The following CADM2 variants were observed in gnomAD, a reference collection of about 807,000 sequenced individuals.
The protein encoded by CADM2 is immunoglobulin superfamily member 4D.
Under a neutral mutation model 49.8 loss-of-function variants are expected in CADM2, and 12 were observed. The ratio of observed to expected loss-of-function variants is 0.24; its 90% CI spans 0.15 to 0.39. The LOEUF (loss-of-function observed/expected upper bound fraction) is 0.39, where lower values mean the gene tolerates loss of function less well. Among genes scored for constraint, CADM2 ranks in the 10% least tolerant of loss-of-function variants. The pLI, the probability that CADM2 is intolerant of heterozygous loss-of-function variation, is 1.00. For missense variants in CADM2, 378 were observed against 492.3 expected, an observed-to-expected ratio of 0.77 and a Z score of 2.20; for synonymous variants, 214 against 175.4, an observed-to-expected ratio of 1.22 and a Z score of -1.74.
chr3:86,051,904 T>G (rs1173378673), intron 8 of CADM2, among the ~76,000 whole-genome samples: 1 of 152,078 alleles, frequency 6.6e-6, no homozygotes, highest in African/African-American at 2.4e-5. Context: ...CCTCCAACCC[T>G]GGGAATTACA....
At chr3:85,082,370 T>C (rs936207278) in intron 1 of CADM2, among the ~76,000 whole-genome samples, 3 of 152,204 alleles carry the variant, frequency 2.0e-5, no homozygotes, top group African/African-American at 7.2e-5. Context: ...TGAAAGATTC[T>C]TGTTTGTACT....
rs942760202 is a variant in CADM2, at chr3:85,788,363, T to G, written c.89-13684T>G. Among the ~76,000 whole-genome samples the G allele has an allele frequency of 7.9e-5, 12 of 152,136 alleles. 1 individual carries two copies. The highest frequency in any genetic ancestry group is 7.9e-4 in the Admixed American group (12 of 15,256). ...ATCACTTTCTCTTACACATATTTTA[T>G]ATCTATGCCATTTTGAAATTTCTTA... On this transcript the variant is annotated intron_variant, in intron 2 of 9. Transcript: ENST00000383699.
chr3:85,959,142 A>G (rs1724488849), intron 7 of CADM2, among the ~76,000 whole-genome samples: 1 of 103,746 alleles, frequency 9.6e-6, no homozygotes, highest in Non-Finnish European at 1.7e-5. Flanking sequence ...GTATATCTTT[A>G]TCTATCTATC....
intron 8 of CADM2, among the ~76,000 whole-genome samples, chr3:86,021,391 CT>C (rs1378549433): frequency 6.6e-6 from 1 of 152,022 alleles, no homozygotes; most frequent in East Asian, 1.9e-4. Context: ...AATATATTTC[CT>C]TCTGTCCTAT....
intron 3 of CADM2, among the ~76,000 whole-genome samples, chr3:85,876,782 A>G (rs1711909826): frequency 6.6e-6 from 1 of 152,172 alleles, no homozygotes; most frequent in Non-Finnish European, 1.5e-5. Flanking sequence ...TGCTACATAA[A>G]TTCAACAGTG....
At chr3:85,182,976 G>C (rs2040972026) in intron 1 of CADM2, among the ~76,000 whole-genome samples, 1 of 151,910 alleles carries the variant, frequency 6.6e-6, no homozygotes, top group African/African-American at 2.4e-5. Flanking sequence ...TTATTGCTAT[G>C]CAAAAAATCA....
At chr3:85,413,907 C>T (rs1381048381) in intron 1 of CADM2, among the ~76,000 whole-genome samples, 2 of 152,098 alleles carry the variant, frequency 1.3e-5, no homozygotes, top group South Asian at 4.1e-4. Flanking sequence ...CTGTGTTGCC[C>T]AGGCTGCAGT....
intron 1 of CADM2, among the ~76,000 whole-genome samples, chr3:85,322,582 A>G (rs2044642244): frequency 6.6e-6 from 1 of 152,240 alleles, no homozygotes; most frequent in Admixed American, 6.5e-5. Flanking sequence ...AGAAATGTCC[A>G]TGTTTAAAGT....
intron 1 of CADM2, among the ~76,000 whole-genome samples, chr3:85,271,302 T>C (rs1391947341): frequency 2.6e-5 from 4 of 151,308 alleles, no homozygotes; most frequent in African/African-American, 9.7e-5. Flanking sequence ...GAAATAAATA[T>C]GAGTTTACTG....
rs374974441 is a variant in CADM2, at chr3:85,550,349, A to G, written c.62-176173A>G. ...ATATGGGGGAGAGATTCACAAGTTT[A>G]TGTCCATTTTCTATTGATGGAGATC... On this transcript the variant is annotated intron_variant, in intron 1 of 9. Transcript: ENST00000383699. Among the ~76,000 whole-genome samples the G allele has an allele frequency of 1.1e-3, 170 of 152,272 alleles. 2 individuals carry two copies. The South Asian group carries it at 0.019, about 17-fold the overall frequency.
At chr3:85,463,149 A>T (rs543762576) in intron 1 of CADM2, among the ~76,000 whole-genome samples, 5 of 152,280 alleles carry the variant, frequency 3.3e-5, no homozygotes, top group South Asian at 4.1e-4. Context: ...TTTGCAGCAG[A>T]ACTGGATATT....
intron 3 of CADM2, among the ~76,000 whole-genome samples, chr3:85,869,143 G>A (rs73847411): frequency 0.051 from 7,664 of 151,744 alleles, 549 homozygotes; most frequent in African/African-American, 0.16. Flanking sequence ...ATTTTTGTCT[G>A]TTATGGTAAT....
intron 3 of CADM2, among the ~76,000 whole-genome samples, chr3:85,855,181 CAACA>C (rs1358553293): frequency 6.6e-5 from 10 of 152,132 alleles, no homozygotes; most frequent in African/African-American, 9.6e-5. Context: ...ATTTGCTGCC[CAACA>C]AACAAAGTGG....
intron 1 of CADM2, among the ~76,000 whole-genome samples, chr3:85,506,992 G>C (rs182068786): frequency 6.6e-5 from 10 of 152,018 alleles, no homozygotes; most frequent in Admixed American, 6.5e-4. Flanking sequence ...CTAAAACAAG[G>C]TTTTTAAGTA....
chr3:85,201,623 A>T, intron 1 of CADM2, among the ~76,000 whole-genome samples: 1 of 152,190 alleles, frequency 6.6e-6, no homozygotes. Context: ...CCCACAGCAG[A>T]ACTTCTTTAG....
intron 6 of CADM2, among the ~76,000 whole-genome samples, chr3:85,933,861 G>A (rs928274027): frequency 1.3e-5 from 2 of 152,134 alleles, no homozygotes; most frequent in Non-Finnish European, 2.9e-5. Flanking sequence ...TCTACTTGGA[G>A]GAGGAGCAGC....
intron 1 of CADM2, among the ~76,000 whole-genome samples, chr3:85,288,450 C>A (rs536084048): frequency 5.3e-5 from 8 of 151,848 alleles, no homozygotes; most frequent in Non-Finnish European, 1.0e-4. Context: ...TACATATATT[C>A]TGCAAAGAAA....
chr3:85,382,012 T>C (rs960713203), intron 1 of CADM2, among the ~76,000 whole-genome samples: 4 of 151,770 alleles, frequency 2.6e-5, no homozygotes, highest in South Asian at 2.1e-4. Flanking sequence ...TGACAATTGG[T>C]GCTAAAAAGT....
intron 1 of CADM2, among the ~76,000 whole-genome samples, chr3:85,413,008 G>A (rs1034869741): frequency 2.0e-5 from 3 of 151,240 alleles, no homozygotes; most frequent in African/African-American, 7.3e-5. Context: ...AGGCGAGGTG[G>A]CGGGCGCCTG....
Sources: allele counts gnomAD v4.1 joint callset (sites outside exome capture counted in the v4.1 genomes callset), GRCh38; gene constraint gnomAD v4.1.1; transcripts MANE v1.5; gene names NCBI Gene and HGNC (gene_info 2026-07-23, HGNC 2026-07-21).